SHROOM3: variants seen among roughly 807,000 people sequenced by gnomAD.
SHROOM3 encodes shroom family member 3.
SHROOM3 carries 47 observed loss-of-function variants against 138.6 expected under a neutral mutation model. The observed-to-expected ratio is 0.34, with a 90% CI of 0.27 to 0.43. SHROOM3 has a LOEUF of 0.43. Among genes scored for constraint, SHROOM3 ranks in the 20% least tolerant of loss-of-function variants. SHROOM3 has a pLI of 1.00. For synonymous variants in SHROOM3, 1,062 were observed against 1,063.3 expected, an observed-to-expected ratio of 1.00 and a Z score of 0.02; for missense variants, 2,491 against 2,596.5, an observed-to-expected ratio of 0.96 and a Z score of 0.88.
In SHROOM3 at chr4:76,676,833, C is replaced by A. The variant is rs373506051; in HGVS notation, c.324-33323C>A. On this transcript the variant is annotated intron_variant, in intron 2 of 10. Transcript: ENST00000296043. ...TGGCCGGCGCCTGTAGTCCCAGCTA[C>A]TCGGGAGGCTGAGGCAGGAGAATGG... Among the ~76,000 whole-genome samples, 3 of 151,516 alleles carry A rather than the reference C, an allele frequency of 2.0e-5. No homozygotes were observed. The South Asian group carries it at 6.2e-4, about 32-fold the overall frequency.
intron 2 of SHROOM3, among the ~76,000 whole-genome samples, chr4:76,663,743 T>C (rs1718609014): frequency 6.6e-6 from 1 of 152,236 alleles, no homozygotes; most frequent in Non-Finnish European, 1.5e-5. Flanking sequence ...TGGAAAACTT[T>C]ACATAAACAT....
intron 2 of SHROOM3, among the ~76,000 whole-genome samples, chr4:76,593,097 A>G (rs1177516991): frequency 6.6e-6 from 1 of 152,264 alleles, no homozygotes; most frequent in East Asian, 1.9e-4. Context: ...TATGAAGACC[A>G]TCATTTAGAG....
chr4:76,592,778 G>A (rs907004742), intron 2 of SHROOM3, among the ~76,000 whole-genome samples: 2 of 152,094 alleles, frequency 1.3e-5, no homozygotes, highest in Non-Finnish European at 1.5e-5. Context: ...ATCTCACAAC[G>A]TACTCATGTT....
chr4:76,739,872 G>A lies in SHROOM3; in HGVS notation c.1699G>A (p.Glu567Lys), dbSNP rs201419939. The change falls in exon 5 of 11, where the codon GAG (glutamate) becomes AAG (lysine). Residue 567 changes from glutamate to lysine, a missense_variant. Coordinates refer to ENST00000296043, the MANE Select transcript of SHROOM3 (RefSeq NM_020859.4). Reference protein sequence around the residue: ...VHFCSVPENEEDASLKRHLTP... With the variant: ...VHFCSVPENEKDASLKRHLTP... ...TTTCTGTTCAGTGCCTGAAAATGAG[G>A]AGGATGCCTCCCTGAAGAGACATCT... The A allele has an allele frequency of 1.9e-6, 3 of 1,614,188 alleles. No individual in the cohort carries two copies. Among genetic ancestry groups the A allele is most frequent in the African/African-American group, 2.7e-5 (2 of 75,050 alleles).
intron 2 of SHROOM3, among the ~76,000 whole-genome samples, chr4:76,673,934 G>A (rs1247897442): frequency 3.9e-5 from 6 of 152,106 alleles, no homozygotes; most frequent in African/African-American, 7.2e-5. Context: ...CTGCAGTGGC[G>A]CAATCGTAGC....
intron 2 of SHROOM3, among the ~76,000 whole-genome samples, chr4:76,561,901 C>T (rs1052586573): frequency 6.6e-6 from 1 of 151,992 alleles, no homozygotes; most frequent in Non-Finnish European, 1.5e-5. Context: ...ATCCCAGCTA[C>T]TCGGGAGGCT....
At chr4:76,565,286 A>T (rs917497741) in intron 2 of SHROOM3, among the ~76,000 whole-genome samples, 10 of 151,920 alleles carry the variant, frequency 6.6e-5, no homozygotes, top group African/African-American at 2.4e-4. Context: ...TTAAATTTGG[A>T]TGCATCAGCT....
At chr4:76,684,413 T>G (rs373438159) in intron 2 of SHROOM3, among the ~76,000 whole-genome samples, 13 of 152,248 alleles carry the variant, frequency 8.5e-5, no homozygotes, top group African/African-American at 2.7e-4. Context: ...TGCTCTGTTC[T>G]TTCCTAACCT....
rs1171264537 is a variant in SHROOM3, at chr4:76,715,714, C to G, written c.455+5427C>G. The stretch of plus-strand genomic sequence containing the variant: ...TGAATGGATAATAGAAGCTCAGAAT[C>G]TGACTCCTCTAATTCATTCTCAATT... On this transcript the variant is annotated intron_variant, in intron 3 of 10. Coordinates refer to ENST00000296043, the MANE Select transcript of SHROOM3 (RefSeq NM_020859.4). Among the ~76,000 whole-genome samples the G allele has an allele frequency of 2.0e-5, 3 of 152,218 alleles. No individual in the cohort carries two copies. In the East Asian group the frequency reaches 5.8e-4, roughly 29 times the overall value.
intron 2 of SHROOM3, among the ~76,000 whole-genome samples, chr4:76,632,622 A>G (rs1386860696): frequency 6.6e-6 from 1 of 152,194 alleles, no homozygotes; most frequent in African/African-American, 2.4e-5. Context: ...TGACAAAATG[A>G]AGACAAGTAC....
rs1722335580 is a variant in SHROOM3, at chr4:76,770,827, C to T, written c.5551C>T (p.Leu1851Phe). The change falls in exon 10 of 11, where the codon CTC becomes TTC. Residue 1851 changes from leucine to phenylalanine, a missense_variant. By Grantham distance (22) the Leu-to-Phe change is conservative (BLOSUM62 0). Transcript: ENST00000296043. Reference sequence around the variant, plus strand: ...CAAGGTGGTCAACCTGCTGCTCTCCCTCTCGGGGCGTCTAGCCCGTGTTGA... The same window carrying T: ...CAAGGTGGTCAACCTGCTGCTCTCCTTCTCGGGGCGTCTAGCCCGTGTTGA... ...LDKVVNLLLSLSGRLARVENV... is the reference protein window; with the variant it reads ...LDKVVNLLLSFSGRLARVENV... The T allele has an allele frequency of 6.2e-7, 1 of 1,614,212 alleles. No homozygotes were observed. Among genetic ancestry groups the T allele is most frequent in the Non-Finnish European group, 8.5e-7 (1 of 1,180,044 alleles).
chr4:76,775,810 TATATATACACACACACACACACATAC>T (rs1722542999), intron 10 of SHROOM3, among the ~76,000 whole-genome samples: 1 of 151,306 alleles, frequency 6.6e-6, no homozygotes, highest in East Asian at 1.9e-4. Flanking sequence ...ACACATACTA[TATATATACACACACACACACACATAC>T]ATATATACAC....
intron 1 of SHROOM3, among the ~76,000 whole-genome samples, chr4:76,495,433 A>G (rs1289736386): frequency 6.6e-6 from 1 of 152,384 alleles, no homozygotes; most frequent in Admixed American, 6.5e-5. Context: ...GCATCAAAGC[A>G]GACAACTCTG....
At chr4:76,744,528 G>A (rs1721366455) in intron 5 of SHROOM3, among the ~76,000 whole-genome samples, 1 of 152,132 alleles carries the variant, frequency 6.6e-6, no homozygotes, top group Admixed American at 6.5e-5. Context: ...TTGTAGTTAT[G>A]ATGAGTAAAA....
intron 1 of SHROOM3, among the ~76,000 whole-genome samples, chr4:76,463,408 T>C (rs1169495085): frequency 1.3e-5 from 2 of 152,152 alleles, no homozygotes; most frequent in African/African-American, 4.8e-5. Context: ...ACAGAGATGG[T>C]CTGAAATTAG....
chr4:76,497,175 A>G (rs900228906), intron 1 of SHROOM3, among the ~76,000 whole-genome samples: 1 of 152,204 alleles, frequency 6.6e-6, no homozygotes, highest in Non-Finnish European at 1.5e-5. Context: ...TCACTTTAAC[A>G]TTGTATGATT....
chr4:76,496,000 A>G (rs1191104209), intron 1 of SHROOM3, among the ~76,000 whole-genome samples: 5 of 152,256 alleles, frequency 3.3e-5, no homozygotes, highest in Non-Finnish European at 1.5e-5. Context: ...TGGAGGTGTC[A>G]GTGGACCAAA....
intron 1 of SHROOM3, among the ~76,000 whole-genome samples, chr4:76,537,392 C>T (rs1733001508): frequency 6.6e-6 from 1 of 152,108 alleles, no homozygotes; most frequent in Non-Finnish European, 1.5e-5. Flanking sequence ...AGCTTTTACT[C>T]TAAGTGGGTT....
chr4:76,660,027 G>A (rs996794020), intron 2 of SHROOM3, among the ~76,000 whole-genome samples: 2 of 152,104 alleles, frequency 1.3e-5, no homozygotes, highest in Non-Finnish European at 2.9e-5. Context: ...GGTATCACAC[G>A]GAGGCCACCA....
Sources: allele counts gnomAD v4.1 joint callset (sites outside exome capture counted in the v4.1 genomes callset), GRCh38; gene constraint gnomAD v4.1.1; transcripts MANE v1.5; gene names NCBI Gene and HGNC (gene_info 2026-07-23, HGNC 2026-07-21).